The following GULP1 variants were observed in gnomAD, a reference collection of about 807,000 sequenced individuals.
The protein encoded by GULP1 is GULP PTB domain containing engulfment adaptor 1.
GULP1 carries 19 observed loss-of-function variants against 40.9 expected under a neutral mutation model. That is an observed-to-expected ratio of 0.46 (90% CI 0.32 to 0.68). The LOEUF is 0.68. GULP1 is among the 30% of genes least tolerant of loss of function. GULP1 has a pLI of 0.03. For synonymous variants in GULP1, 119 were observed against 117.6 expected (o/e 1.01, Z -0.08); for missense variants, 312 against 362.2 (o/e 0.86, Z 1.12).
intron 2 of GULP1, among the ~76,000 whole-genome samples, chr2:188,403,040 A>G (rs529920256): frequency 6.6e-6 from 1 of 152,282 alleles, no homozygotes; most frequent in Admixed American, 6.5e-5. Context: ...GAAGGCATAC[A>G]TTAACATGAG....
At chr2:188,556,643 C>A (rs768617308) in intron 7 of GULP1, among the ~76,000 whole-genome samples, 1 of 151,912 alleles carries the variant, frequency 6.6e-6, no homozygotes, top group African/African-American at 2.4e-5. Context: ...TTTCCTGTGT[C>A]CTTATGTTGA....
chr2:188,507,763 C>T (rs1390620100), intron 4 of GULP1, among the ~76,000 whole-genome samples: 2 of 151,818 alleles, frequency 1.3e-5, no homozygotes, highest in African/African-American at 4.8e-5. Context: ...TCATTAATTA[C>T]CATTCCTATG....
chr2:188,569,314 G>T lies in GULP1; in HGVS notation c.475G>T (p.Asp159Tyr), dbSNP rs769857935. The T allele has an allele frequency of 1.3e-6, 2 of 1,599,594 alleles. No homozygotes were observed. Among genetic ancestry groups the T allele is most frequent in the Non-Finnish European group, 1.7e-6 (2 of 1,167,098 alleles). The change falls in exon 8 of 12, where the codon GAT becomes TAT. Residue 159 changes from aspartate (D) to tyrosine (Y), a missense_variant. Coordinates refer to ENST00000409830, the MANE Select transcript of GULP1 (RefSeq NM_016315.4). ...YRKFLESGGK[D>Y]VETRKQIAGL... ...GAAATTTCTAGAATCAGGAGGAAAA[G>T]ATGTTGAAACAAGAAAACAGATCGC... is the stretch of plus-strand genomic sequence containing the variant.
At chr2:188,457,546 T>C (rs1227265191) in intron 2 of GULP1, among the ~76,000 whole-genome samples, 2 of 152,214 alleles carry the variant, frequency 1.3e-5, no homozygotes, top group Non-Finnish European at 2.9e-5. Context: ...TTAAACCTCT[T>C]TCTCTTGTAA....
intron 2 of GULP1, among the ~76,000 whole-genome samples, chr2:188,391,904 G>A (rs2050576699): frequency 6.6e-6 from 1 of 151,814 alleles, no homozygotes; most frequent in African/African-American, 2.4e-5. Context: ...TAGGTGATGT[G>A]TGTTGCATTA....
intron 4 of GULP1, among the ~76,000 whole-genome samples, chr2:188,485,008 A>G (rs1042108519): frequency 1.3e-5 from 2 of 152,130 alleles, no homozygotes; most frequent in African/African-American, 2.4e-5. Flanking sequence ...TATTGTTTGT[A>G]TTAGCTATTG....
intron 6 of GULP1, among the ~76,000 whole-genome samples, chr2:188,531,928 G>T (rs1687647855): frequency 6.6e-6 from 1 of 152,154 alleles, no homozygotes; most frequent in South Asian, 2.1e-4. Flanking sequence ...TAGGGTATTT[G>T]TAGGCCATGC....
intron 7 of GULP1, among the ~76,000 whole-genome samples, chr2:188,554,799 T>A (rs1694340537): frequency 6.6e-6 from 1 of 152,098 alleles, no homozygotes; most frequent in Non-Finnish European, 1.5e-5. Context: ...AATATTTACT[T>A]TATGGATCTT....
At chr2:188,356,557 A>G (rs1030231338) in intron 1 of GULP1, among the ~76,000 whole-genome samples, 5 of 152,178 alleles carry the variant, frequency 3.3e-5, no homozygotes, top group Admixed American at 1.3e-4. Flanking sequence ...ACAAATGGAA[A>G]GATATCCATG....
At chr2:188,471,373 A>G (rs2060577795) in intron 2 of GULP1, among the ~76,000 whole-genome samples, 1 of 151,700 alleles carries the variant, frequency 6.6e-6, no homozygotes, top group Non-Finnish European at 1.5e-5. Flanking sequence ...CAGTGGTATT[A>G]TTGATGACTA....
rs569549481 is a variant in GULP1 at position 188,381,064 on chromosome 2, T to A, written c.-171-2699T>A. On this transcript the variant is annotated intron_variant, in intron 1 of 11. Coordinates refer to ENST00000409830, the MANE Select transcript of GULP1 (RefSeq NM_016315.4). Reference sequence around the variant, plus strand: ...TTCATACTAAAATTTTAAGAAGCATTTGAATTGGAAATCAGGATTTTATAT... The same window carrying A: ...TTCATACTAAAATTTTAAGAAGCATATGAATTGGAAATCAGGATTTTATAT... 2.6e-5 allele frequency among the ~76,000 whole-genome samples: 4 copies of A among 152,176 alleles called. No individual in the cohort carries two copies. The East Asian group carries it at 5.8e-4, about 22-fold the overall frequency.
At chr2:188,413,460 G>T (rs1263974260) in intron 2 of GULP1, among the ~76,000 whole-genome samples, 1 of 152,144 alleles carries the variant, frequency 6.6e-6, no homozygotes, top group Non-Finnish European at 1.5e-5. Context: ...ATTTTTTCAT[G>T]TGTCTTTTGG....
intron 7 of GULP1, among the ~76,000 whole-genome samples, chr2:188,548,113 A>G (rs1692457652): frequency 6.6e-6 from 1 of 152,110 alleles, no homozygotes; most frequent in Admixed American, 6.6e-5. Context: ...ACACAGCCAT[A>G]GAAGCTCTAG....
chr2:188,368,185 T>C (rs1425275282), intron 1 of GULP1, among the ~76,000 whole-genome samples: 1 of 152,154 alleles, frequency 6.6e-6, no homozygotes, highest in Non-Finnish European at 1.5e-5. Context: ...GTAAGAATAA[T>C]CTAGAAAAAA....
chr2:188,513,136 A>G lies in GULP1; in HGVS notation c.91-9620A>G, dbSNP rs1342045041. On this transcript the variant is annotated intron_variant, in intron 4 of 11. Coordinates refer to ENST00000409830, the MANE Select transcript of GULP1 (RefSeq NM_016315.4). The stretch of plus-strand genomic sequence containing the variant: ...TAAAATTATATCTATAGTATCAGAA[A>G]CTTGTTCTGTATTTATCAGAGTCTT... 3.9e-5 allele frequency among the ~76,000 whole-genome samples: 6 copies of G among 152,236 alleles called. 1 individual carries two copies. In the South Asian group the frequency reaches 6.2e-4, roughly 16 times the overall value.
intron 7 of GULP1, among the ~76,000 whole-genome samples, chr2:188,554,898 G>A (rs1470423286): frequency 6.6e-6 from 1 of 151,818 alleles, no homozygotes; most frequent in Non-Finnish European, 1.5e-5. Flanking sequence ...ATTATATAAT[G>A]ACCTTTTCCA....
chr2:188,438,329 A>G (rs1308932359), intron 2 of GULP1, among the ~76,000 whole-genome samples: 1 of 151,804 alleles, frequency 6.6e-6, no homozygotes, highest in Non-Finnish European at 1.5e-5. Context: ...ATGAAGTCAC[A>G]TCAAGAGTGT....
At chr2:188,539,608 G>C (rs914087023) in intron 6 of GULP1, among the ~76,000 whole-genome samples, 1 of 152,076 alleles carries the variant, frequency 6.6e-6, no homozygotes. Context: ...ATGCCAGTAA[G>C]CATTACAATC....
At chr2:188,441,433 A>G (rs1219677802) in intron 2 of GULP1, among the ~76,000 whole-genome samples, 1 of 152,176 alleles carries the variant, frequency 6.6e-6, no homozygotes, top group African/African-American at 2.4e-5. Context: ...TGAGATTTAA[A>G]CTGAGCTTTG....
Sources: allele counts gnomAD v4.1 joint callset (sites outside exome capture counted in the v4.1 genomes callset), GRCh38; gene constraint gnomAD v4.1.1; transcripts MANE v1.5; gene names NCBI Gene and HGNC (gene_info 2026-07-23, HGNC 2026-07-21).